Variants in STXBP5L observed in about 807,000 individuals in gnomAD.
The protein encoded by STXBP5L is syntaxin binding protein 5L, also known as syntaxin-binding protein 5-like.
STXBP5L carries 65 observed loss-of-function variants against 144.5 expected under a neutral mutation model. The observed-to-expected ratio is 0.45, with a 90% CI of 0.37 to 0.55. The LOEUF (loss-of-function observed/expected upper bound fraction) is 0.55. Among genes scored for constraint, STXBP5L ranks in the 20% least tolerant of loss-of-function variants. STXBP5L has a pLI of 0.00. For missense variants in STXBP5L, 1,298 were observed against 1,405.5 expected, an observed-to-expected ratio of 0.92 and a Z score of 1.22; for synonymous variants, 505 against 469.6, an observed-to-expected ratio of 1.08 and a Z score of -0.97.
intron 18 of STXBP5L, among the ~76,000 whole-genome samples, chr3:121,263,920 C>T (rs1372796497): frequency 6.6e-6 from 1 of 152,182 alleles, no homozygotes; most frequent in African/African-American, 2.4e-5. Context: ...CTTCCCCAAC[C>T]TAGCAAGACA....
chr3:121,194,915 T>C (rs2047858441), intron 9 of STXBP5L, among the ~76,000 whole-genome samples: 1 of 134,426 alleles, frequency 7.4e-6, no homozygotes, highest in Non-Finnish European at 1.6e-5. Context: ...CACTCTTTTT[T>C]TTTTTTTTTT....
chr3:121,009,278 A>G (rs1188065592), intron 3 of STXBP5L, among the ~76,000 whole-genome samples: 2 of 151,348 alleles, frequency 1.3e-5, no homozygotes, highest in Admixed American at 6.6e-5. Context: ...CCTTGCATGC[A>G]CTCCCCTAGA....
intron 3 of STXBP5L, among the ~76,000 whole-genome samples, chr3:121,003,468 G>T (rs1943966647): frequency 6.6e-6 from 1 of 152,194 alleles, no homozygotes; most frequent in Non-Finnish European, 1.5e-5. Flanking sequence ...TGTCAGATGA[G>T]TAGATTGCAA....
At chr3:121,103,589 C>A (rs898447602) in intron 5 of STXBP5L, among the ~76,000 whole-genome samples, 1 of 152,074 alleles carries the variant, frequency 6.6e-6, no homozygotes, top group African/African-American at 2.4e-5. Context: ...CTCAGCATCA[C>A]TCAATATACC....
chr3:120,961,266 C>CTTTTTTTTTTTTTTTTTTTTTTT (rs1197589260), intron 3 of STXBP5L, among the ~76,000 whole-genome samples: 1 of 137,952 alleles, frequency 7.2e-6, no homozygotes, highest in Admixed American at 7.3e-5. Context: ...TTTAGTCTTT[C>CTTTTTTTTTTTTTTTTTTTTTTT]TTTTTTTGTT....
intron 5 of STXBP5L, among the ~76,000 whole-genome samples, chr3:121,085,131 G>C (rs1251993767): frequency 1.3e-5 from 2 of 151,998 alleles, no homozygotes; most frequent in Non-Finnish European, 2.9e-5. Flanking sequence ...TTGTCAGATG[G>C]ATAAATTGCA....
At chr3:121,053,958 G>T (rs968937877) in intron 5 of STXBP5L, among the ~76,000 whole-genome samples, 1 of 152,038 alleles carries the variant, frequency 6.6e-6, no homozygotes, top group African/African-American at 2.4e-5. Context: ...CTCAAAAGAA[G>T]ACATTTATGC....
At chr3:121,348,921 T>A (rs1349425645) in intron 20 of STXBP5L, among the ~76,000 whole-genome samples, 2 of 152,126 alleles carry the variant, frequency 1.3e-5, no homozygotes, top group Non-Finnish European at 2.9e-5. Flanking sequence ...CCTGGATTCA[T>A]TGATTTTTTG....
At chr3:121,006,644 A>G (rs1208471100) in intron 3 of STXBP5L, among the ~76,000 whole-genome samples, 2 of 152,024 alleles carry the variant, frequency 1.3e-5, no homozygotes, top group African/African-American at 4.8e-5. Context: ...TCTTCCTAGT[A>G]TCAATGGTCT....
At chr3:121,144,980 A>C (rs1055212175) in intron 7 of STXBP5L, among the ~76,000 whole-genome samples, 1 of 151,920 alleles carries the variant, frequency 6.6e-6, no homozygotes, top group Non-Finnish European at 1.5e-5. Context: ...CAAAGAGTGT[A>C]ATGGTGGCTG....
intron 7 of STXBP5L, among the ~76,000 whole-genome samples, chr3:121,148,641 A>G (rs2045811366): frequency 6.6e-6 from 1 of 152,110 alleles, no homozygotes; most frequent in Non-Finnish European, 1.5e-5. Flanking sequence ...ATTAGATGAG[A>G]AGGAAATGGA....
chr3:121,022,332 C>T (rs1945617282), intron 3 of STXBP5L, among the ~76,000 whole-genome samples: 1 of 152,200 alleles, frequency 6.6e-6, no homozygotes. Context: ...GGATTAACAG[C>T]TGTATTCTAT....
At chr3:121,369,706 C>A (rs147676339) in intron 20 of STXBP5L, among the ~76,000 whole-genome samples, 1 of 152,224 alleles carries the variant, frequency 6.6e-6, no homozygotes, top group Admixed American at 6.5e-5. Context: ...CTGAGAAATC[C>A]ACTTTAGTCT....
At chr3:121,366,586 A>T (rs1184508361) in intron 20 of STXBP5L, among the ~76,000 whole-genome samples, 3 of 152,044 alleles carry the variant, frequency 2.0e-5, no homozygotes, top group African/African-American at 7.2e-5. Flanking sequence ...TACCATTTGC[A>T]TGGAATCTCT....
At chr3:121,009,954 C>T (rs1944646699) in intron 3 of STXBP5L, among the ~76,000 whole-genome samples, 1 of 151,886 alleles carries the variant, frequency 6.6e-6, no homozygotes, top group Admixed American at 6.6e-5. Context: ...ATATTTTCAA[C>T]ACATCAACAG....
intron 3 of STXBP5L, among the ~76,000 whole-genome samples, chr3:120,982,253 G>T (rs1289388008): frequency 6.6e-6 from 1 of 152,154 alleles, no homozygotes; most frequent in African/African-American, 2.4e-5. Flanking sequence ...GGGCCGGTCT[G>T]TAGAATGCCC....
chr3:120,908,453 G>GAGAGAGAGAC (rs945199013), intron 1 of STXBP5L, 119 bp downstream of exon 1: 1 of 156,618 alleles, frequency 6.4e-6, no homozygotes, highest in Non-Finnish European at 1.4e-5. Context: ...GTGTTTGAGA[G>GAGAGAGAGAC]AGAGAGAGAC....
At chr3:121,377,417 A>C (rs1477004727) in intron 20 of STXBP5L, among the ~76,000 whole-genome samples, 1 of 152,230 alleles carries the variant, frequency 6.6e-6, no homozygotes, top group Non-Finnish European at 1.5e-5. Flanking sequence ...GAGTAGGAGA[A>C]AATTTTTGCA....
intron 20 of STXBP5L, among the ~76,000 whole-genome samples, chr3:121,319,979 A>G (rs1424611511): frequency 6.6e-6 from 1 of 152,178 alleles, no homozygotes; most frequent in Non-Finnish European, 1.5e-5. Flanking sequence ...TAATAATTTT[A>G]AAAGTTTTTT....
Sources: gnomAD v4.1 joint callset for allele counts (sites outside exome capture counted in the v4.1 genomes callset) on GRCh38, gnomAD v4.1.1 for gene constraint, MANE v1.5 for transcripts, NCBI Gene and HGNC (gene_info 2026-07-23, HGNC 2026-07-21) for gene names.